Variants in XKR4 observed in about 807,000 individuals in gnomAD.
XKR4 encodes XK-related protein 4.
In XKR4, 12 loss-of-function variants were observed where a neutral mutation model predicts 53.9. The ratio of observed to expected loss-of-function variants is 0.22; its 90% CI spans 0.14 to 0.36. XKR4 has a LOEUF of 0.36. Among genes scored for constraint, XKR4 ranks in the 10% least tolerant of loss-of-function variants. The pLI is 1.00. For missense variants in XKR4, 799 were observed against 859.5 expected, an observed-to-expected ratio of 0.93 and a Z score of 0.88; for synonymous variants, 354 against 362.4, an observed-to-expected ratio of 0.98 and a Z score of 0.26.
intron 1 of XKR4, among the ~76,000 whole-genome samples, chr8:55,111,648 CA>C (rs1256509527): frequency 1.3e-5 from 2 of 152,128 alleles, no homozygotes; most frequent in Non-Finnish European, 2.9e-5. Flanking sequence ...GAAATGATGT[CA>C]AAAGTCTTCC....
intron 1 of XKR4, among the ~76,000 whole-genome samples, chr8:55,245,034 T>C (rs543611890): frequency 5.3e-4 from 80 of 152,164 alleles, no homozygotes; most frequent in African/African-American, 1.7e-3. Flanking sequence ...CCTGAGTAGC[T>C]GAGATTATAG....
intron 1 of XKR4, among the ~76,000 whole-genome samples, chr8:55,196,142 A>T (rs892408188): frequency 6.6e-6 from 1 of 151,108 alleles, no homozygotes; most frequent in Non-Finnish European, 1.5e-5. Context: ...AAATATAGCA[A>T]ATCCCACAGG....
chr8:55,166,910 T>C (rs1817073034), intron 1 of XKR4, among the ~76,000 whole-genome samples: 1 of 152,196 alleles, frequency 6.6e-6, no homozygotes, highest in South Asian at 2.1e-4. Context: ...AGCAGATTCA[T>C]GATCAGATTT....
At chr8:55,451,327 G>A (rs1805438732) in intron 2 of XKR4, 3 of 627,944 alleles carry the variant, frequency 4.8e-6, no homozygotes, top group South Asian at 3.7e-5. Flanking sequence ...GTTAGACAGA[G>A]TGGTGACCCT....
intron 1 of XKR4, among the ~76,000 whole-genome samples, chr8:55,292,857 A>AT (rs1819049866): frequency 6.6e-6 from 1 of 152,018 alleles, no homozygotes; most frequent in East Asian, 1.9e-4. Context: ...TTTTGTATAT[A>AT]TTTTTTAATT....
At chr8:55,506,163 C>T (rs2129404048) in intron 2 of XKR4, among the ~76,000 whole-genome samples, 1 of 152,326 alleles carries the variant, frequency 6.6e-6, no homozygotes, top group Middle Eastern at 3.4e-3. Context: ...GCCCCCTCTC[C>T]CACGAATGCA....
At position 55,102,290 on chromosome 8, in the gene XKR4, C is replaced by G. The variant is rs1370989713; in HGVS notation, c.-199C>G. 2 of 669,224 alleles carry G rather than the reference C, an allele frequency of 3.0e-6. No individual in the cohort carries two copies. The highest frequency in any genetic ancestry group is 1.4e-4 in the East Asian group (1 of 7,294). 41.5% of individuals were successfully genotyped at this position (669,224 alleles called of 1,614,324 possible). Reference sequence around the variant, plus strand: ...GCGGCGCTCCTGCCGGCCCCAGGCGCGCCGCTAGCCCGGCCCAGCGCCCAG... The same window carrying G: ...GCGGCGCTCCTGCCGGCCCCAGGCGGGCCGCTAGCCCGGCCCAGCGCCCAG... On this transcript the variant is annotated 5_prime_UTR_variant, in exon 1 of 3. Coordinates refer to ENST00000327381, the MANE Select transcript of XKR4 (RefSeq NM_052898.2). This position sits in a 1 kb window ranked among gnomAD's most constrained non-coding sequence, Gnocchi z 5.1.
At chr8:55,376,080 T>C (rs955763013) in intron 2 of XKR4, among the ~76,000 whole-genome samples, 2 of 152,226 alleles carry the variant, frequency 1.3e-5, no homozygotes, top group Non-Finnish European at 2.9e-5. Flanking sequence ...TATGGCTGCA[T>C]AGTATTACAT....
chr8:55,453,230 A>G (rs1805484938), intron 2 of XKR4: 2 of 493,408 alleles, frequency 4.1e-6, no homozygotes, highest in Admixed American at 4.6e-5. Context: ...GAAGGCTGTG[A>G]CCAGAGGCAG....
At chr8:55,379,093 T>C (rs1307020993) in intron 2 of XKR4, among the ~76,000 whole-genome samples, 3 of 152,146 alleles carry the variant, frequency 2.0e-5, no homozygotes, top group Admixed American at 6.5e-5. Context: ...TGGAGCTTCT[T>C]TTTAGAAGGA....
chr8:55,210,777 G>A (rs898674570), intron 1 of XKR4, among the ~76,000 whole-genome samples: 3 of 152,134 alleles, frequency 2.0e-5, no homozygotes, highest in African/African-American at 7.2e-5. Flanking sequence ...AGAAAAATGG[G>A]TTGCCAATTC....
intron 2 of XKR4, among the ~76,000 whole-genome samples, chr8:55,411,067 T>C (rs1349161019): frequency 2.0e-5 from 3 of 152,244 alleles, no homozygotes; most frequent in Non-Finnish European, 4.4e-5. Context: ...ACATTGCCTT[T>C]ACCCCTATTT....
chr8:55,498,813 G>C (rs1192159444), intron 2 of XKR4, among the ~76,000 whole-genome samples: 1 of 151,858 alleles, frequency 6.6e-6, no homozygotes, highest in African/African-American at 2.4e-5. Context: ...AGAGAGAGAA[G>C]CTCACTACTT....
At chr8:55,191,378 C>T (rs943534738) in intron 1 of XKR4, among the ~76,000 whole-genome samples, 3 of 152,114 alleles carry the variant, frequency 2.0e-5, no homozygotes, top group South Asian at 2.1e-4. Context: ...TTTAGTCTTT[C>T]GATTTTATCT....
At chr8:55,501,452 G>T (rs1359251374) in intron 2 of XKR4, among the ~76,000 whole-genome samples, 1 of 148,774 alleles carries the variant, frequency 6.7e-6, no homozygotes, top group African/African-American at 2.6e-5. Flanking sequence ...AACACTAACT[G>T]TTAATTCTCC....
At chr8:55,327,378 G>T (rs1803310026) in intron 1 of XKR4, among the ~76,000 whole-genome samples, 1 of 151,566 alleles carries the variant, frequency 6.6e-6, no homozygotes. Flanking sequence ...TTTTTGTTTG[G>T]ATGGCATCTT....
intron 1 of XKR4, among the ~76,000 whole-genome samples, chr8:55,297,250 G>T (rs192467910): frequency 6.6e-6 from 1 of 152,262 alleles, no homozygotes; most frequent in East Asian, 1.9e-4. Flanking sequence ...GACTAGAAAC[G>T]TGAGATTTGA....
chr8:55,513,503 T>C (rs1188381213), intron 2 of XKR4, among the ~76,000 whole-genome samples: 2 of 152,222 alleles, frequency 1.3e-5, no homozygotes, highest in Non-Finnish European at 2.9e-5. Flanking sequence ...GAACCTATCA[T>C]GCCTGTTCAC....
At chr8:55,263,676 A>T (rs1489728657) in intron 1 of XKR4, among the ~76,000 whole-genome samples, 2 of 152,222 alleles carry the variant, frequency 1.3e-5, no homozygotes, top group African/African-American at 4.8e-5. Context: ...ATATTGTGCT[A>T]TATGTGCAAT....
Sources: gnomAD v4.1 joint callset for allele counts (sites outside exome capture counted in the v4.1 genomes callset) on GRCh38, gnomAD v4.1.1 for gene constraint, Gnocchi (gnomAD v3.1) non-coding constraint, MANE v1.5 for transcripts, NCBI Gene and HGNC (gene_info 2026-07-23, HGNC 2026-07-21) for gene names.